Variants in IL23R observed in about 807,000 individuals in gnomAD.
The protein encoded by IL23R is interleukin 23 receptor.
A neutral mutation model predicts 56.9 loss-of-function variants in IL23R; 34 were observed. That is an observed-to-expected ratio of 0.60 (90% CI 0.45 to 0.80). The LOEUF (loss-of-function observed/expected upper bound fraction) is 0.80. Ranked by LOEUF, IL23R falls within the 30% of genes least tolerant of loss-of-function variation. IL23R has a pLI of 0.00. For synonymous variants in IL23R, 230 were observed against 249.2 expected (o/e 0.92, Z 0.73); for missense variants, 635 against 730.0 (o/e 0.87, Z 1.50).
intron 8 of IL23R, among the ~76,000 whole-genome samples, chr1:67,238,960 G>A (rs142504609): frequency 3.3e-5 from 5 of 152,114 alleles, no homozygotes; most frequent in African/African-American, 9.7e-5. Flanking sequence ...AAATAACTAG[G>A]GTGGGGCAAA....
chr1:67,188,273 C>G (rs958259234), intron 4 of IL23R, among the ~76,000 whole-genome samples: 2 of 152,106 alleles, frequency 1.3e-5, no homozygotes, highest in Non-Finnish European at 2.9e-5. Context: ...TATCCAAGTT[C>G]CAGGCAGGAA....
At chr1:67,203,051 T>A (rs929221818) in intron 5 of IL23R, among the ~76,000 whole-genome samples, 1 of 152,156 alleles carries the variant, frequency 6.6e-6, no homozygotes, top group African/African-American at 2.4e-5. Context: ...AAATTAATGA[T>A]GTTTAAGAGC....
intron 7 of IL23R, among the ~76,000 whole-genome samples, chr1:67,222,127 TTTTG>T (rs1181354201): frequency 1.6e-4 from 21 of 134,750 alleles, no homozygotes; most frequent in Non-Finnish European, 2.9e-4. Context: ...TTTTTTTTTT[TTTTG>T]ACAGTCTTGC....
At position 67,227,954 on chromosome 1, in the gene IL23R, CTTTCTTTCTTTCTTTCTTTCTT is replaced by C. The variant is rs1401764944; in HGVS notation, c.955+8226_955+8247del. 4.9e-4 allele frequency among the ~76,000 whole-genome samples: 29 copies of C among 59,334 alleles called. 6 individuals carry two copies. Among genetic ancestry groups the C allele is most frequent in the African/African-American group, 6.1e-4 (9 of 14,850 alleles). 38.9% of individuals were successfully genotyped at this position (59,334 alleles called of 152,430 possible). ...ACAGAACAAAGATCTTTCTTTCTTT[CTTTCTTTCTTTCTTTCTTTCTT>C]TCTTTCTTTCTTTCTTTCTTTCTTT... On this transcript the variant is annotated intron_variant, in intron 7 of 10. Coordinates refer to ENST00000347310, the MANE Select transcript of IL23R (RefSeq NM_144701.3).
chr1:67,200,943 T>C, intron 5 of IL23R, 46 bp downstream of exon 5: 1 of 1,586,936 alleles, frequency 6.3e-7, no homozygotes, highest in Non-Finnish European at 8.7e-7. Flanking sequence ...AACCAGTTTG[T>C]GCTGACCTTG....
At chr1:67,196,968 C>T (rs1406665170) in intron 4 of IL23R, among the ~76,000 whole-genome samples, 1 of 152,186 alleles carries the variant, frequency 6.6e-6, no homozygotes, top group Non-Finnish European at 1.5e-5. Flanking sequence ...TCCAGTCAGA[C>T]ATCCAAATGA....
chr1:67,192,876 C>T (rs1033132566), intron 4 of IL23R, among the ~76,000 whole-genome samples: 1 of 152,170 alleles, frequency 6.6e-6, no homozygotes, highest in African/African-American at 2.4e-5. Flanking sequence ...GTCCCTTATT[C>T]ATGAGTTTTC....
intron 5 of IL23R, 111 bp from the exon 6 acceptor site, chr1:67,206,799 T>G: frequency 9.3e-7 from 1 of 1,070,462 alleles, no homozygotes; most frequent in East Asian, 2.7e-5. Context: ...ATGAATTTTA[T>G]TTTTTTTTAC....
In IL23R at chr1:67,239,673, G is replaced by A. The variant is rs536611005; in HGVS notation, c.1046-506G>A. ...CAGTGTATGATTTCTTTCTTATCAC[G>A]TATATTGCTCTAAGTAAAGTGGATG... On this transcript the variant is annotated intron_variant, in intron 8 of 10. Transcript: ENST00000347310. Among the ~76,000 whole-genome samples, 8 of 151,830 alleles carry A rather than the reference G, an allele frequency of 5.3e-5. No individual in the cohort carries two copies. The South Asian group carries it at 8.3e-4, about 16-fold the overall frequency.
chr1:67,144,265 C>T (rs1231138586), intron 1 of IL23R, among the ~76,000 whole-genome samples: 2 of 152,190 alleles, frequency 1.3e-5, no homozygotes, highest in Non-Finnish European at 2.9e-5. Context: ...GAATTAATGC[C>T]TAAACCACTT....
chr1:67,244,475 G>C (rs1023132832), intron 9 of IL23R, among the ~76,000 whole-genome samples: 3 of 152,076 alleles, frequency 2.0e-5, no homozygotes, highest in African/African-American at 7.2e-5. Flanking sequence ...AATCCATCTT[G>C]AGTTAATTTT....
intron 7 of IL23R, among the ~76,000 whole-genome samples, chr1:67,222,102 C>CTTTCTTTTTTTT (rs1440089182): frequency 1.4e-4 from 8 of 58,894 alleles, no homozygotes; most frequent in African/African-American, 5.0e-4. Context: ...TTCTTTCTTT[C>CTTTCTTTTTTTT]TTTTTTTTTT....
intron 7 of IL23R, among the ~76,000 whole-genome samples, chr1:67,235,060 A>G (rs1651377865): frequency 6.6e-6 from 1 of 152,174 alleles, no homozygotes; most frequent in Admixed American, 6.5e-5. Flanking sequence ...CTCCCTGCAA[A>G]TGAACATTGG....
chr1:67,159,991 T>C (rs1646803948), intron 1 of IL23R, among the ~76,000 whole-genome samples: 1 of 152,172 alleles, frequency 6.6e-6, no homozygotes, highest in African/African-American at 2.4e-5. Flanking sequence ...TATTCACTAG[T>C]ATGTTTTTAA....
downstream of IL23R, among the ~76,000 whole-genome samples, chr1:67,264,085 C>A (rs570632673): frequency 1.2e-4 from 18 of 152,310 alleles, no homozygotes; most frequent in South Asian, 3.7e-3. Context: ...GAAGCCTGTG[C>A]TTTAGAACTG....
chr1:67,206,884 CTTTTTTT>C lies in IL23R; in HGVS notation c.653-11_653-5del, dbSNP rs557919248. The C allele has an allele frequency of 7.6e-6, 9 of 1,188,832 alleles. No homozygotes were observed. Among genetic ancestry groups the C allele is most frequent in the East Asian group, 7.2e-5 (2 of 27,646 alleles). The allele number at this position is 1,188,832 out of a possible 1,614,324, so 73.6% of individuals were successfully genotyped here. A position where few individuals can be genotyped will look rare whatever the true frequency, so the allele number is the denominator to read the frequency against. On this transcript the variant is annotated intron_variant, in intron 5 of 10. Transcript: ENST00000347310. ...CTAGGCAAGTTTTAAACAGCCAGGT[CTTTTTTT>C]TTTTTTTTTTTTTTCTAGTGATACC...
chr1:67,190,844 C>A lies in IL23R; in HGVS notation c.491+7885C>A, dbSNP rs190112264. Among the ~76,000 whole-genome samples, 9 of 152,300 alleles carry A rather than the reference C, an allele frequency of 5.9e-5. No homozygotes were observed. The East Asian group carries it at 1.7e-3, about 29-fold the overall frequency. ...ATCATGTTAGAGCCCTTAAATTCAG[C>A]GGCCTACTCTGCTAATTCATAAGGC... On this transcript the variant is annotated intron_variant, in intron 4 of 10. Coordinates refer to ENST00000347310, the MANE Select transcript of IL23R (RefSeq NM_144701.3).
chr1:67,153,532 TG>T (rs1646745871), intron 1 of IL23R, among the ~76,000 whole-genome samples: 1 of 152,144 alleles, frequency 6.6e-6, no homozygotes, highest in Non-Finnish European at 1.5e-5. Context: ...CTTTTAATTG[TG>T]ATGTTAAGGT....
chr1:67,166,740 A>T (rs1016002682), intron 1 of IL23R, among the ~76,000 whole-genome samples, 199 bp downstream of exon 1: 2 of 152,216 alleles, frequency 1.3e-5, no homozygotes, highest in African/African-American at 4.8e-5. Context: ...TTAACTTCTA[A>T]CTAGGAACAT....
Sources: gnomAD v4.1 joint callset for allele counts (sites outside exome capture counted in the v4.1 genomes callset) on GRCh38, gnomAD v4.1.1 for gene constraint, MANE v1.5 for transcripts, NCBI Gene and HGNC (gene_info 2026-07-23, HGNC 2026-07-21) for gene names.